Variants in ME3 observed in about 807,000 individuals in gnomAD.
ME3 encodes malic enzyme 3.
A neutral mutation model predicts 68.9 loss-of-function variants in ME3; 48 were observed. The observed-to-expected ratio is 0.70, with a 90% CI of 0.55 to 0.89. The LOEUF is 0.89. Ranked by LOEUF, ME3 falls within the 40% of genes least tolerant of loss-of-function variation. The probability of loss-of-function intolerance (pLI) is 0.00; values close to 1 mark genes in which losing one functional copy is unlikely to be tolerated. For missense variants in ME3, 675 were observed against 797.4 expected, an observed-to-expected ratio of 0.85 and a Z score of 1.85; for synonymous variants, 320 against 318.8, an observed-to-expected ratio of 1.00 and a Z score of -0.04.
At chr11:86,507,349 C>A (rs1953160310) in intron 5 of ME3, among the ~76,000 whole-genome samples, 1 of 152,204 alleles carries the variant, frequency 6.6e-6, no homozygotes. Context: ...CATATACCTT[C>A]TCTGTATCTG....
chr11:86,574,361 T>C (rs1257157766), intron 2 of ME3, among the ~76,000 whole-genome samples: 1 of 142,458 alleles, frequency 7.0e-6, no homozygotes. Context: ...CCTTTGATCT[T>C]TGAGGCTGAT....
chr11:86,656,076 A>G (rs1443872278), intron 2 of ME3, among the ~76,000 whole-genome samples: 10 of 151,080 alleles, frequency 6.6e-5, no homozygotes, highest in African/African-American at 2.4e-4. Context: ...TTAGAATGGC[A>G]ATCATTCAAA....
chr11:86,600,641 G>C (rs1452740609), intron 2 of ME3, among the ~76,000 whole-genome samples: 2 of 151,796 alleles, frequency 1.3e-5, no homozygotes, highest in South Asian at 2.1e-4. Flanking sequence ...CAAATCAACA[G>C]AATATACATT....
At chr11:86,619,659 C>T (rs1943221467) in intron 2 of ME3, among the ~76,000 whole-genome samples, 1 of 152,238 alleles carries the variant, frequency 6.6e-6, no homozygotes, top group Admixed American at 6.5e-5. Flanking sequence ...AGACGTGCTT[C>T]TACCTTCTGC....
chr11:86,466,906 C>A (rs1394936893), intron 7 of ME3, among the ~76,000 whole-genome samples: 8 of 152,216 alleles, frequency 5.3e-5, no homozygotes, highest in African/African-American at 1.9e-4. Flanking sequence ...CATGTCACTT[C>A]ACCTCTCTAT....
rs374593643 is a variant in ME3 at position 86,465,113 on chromosome 11, G to A, written c.897C>T (p.Cys299=). The change falls in exon 8 of 15, where the codon TGC becomes TGT. Residue 299 remains cysteine (C), a synonymous_variant. Transcript: ENST00000543262. ...TACCTTGGATGTCATCATTGAACAT[G>A]CAGTACTTGTTACGGTATTTGTTGA... 4.1e-4 allele frequency: 660 copies of A among 1,613,298 alleles called. 8 individuals carry two copies. In the South Asian group the frequency reaches 6.1e-3, roughly 15 times the overall value.
chr11:86,454,932 T>C (rs1949831643), intron 8 of ME3, among the ~76,000 whole-genome samples: 1 of 152,260 alleles, frequency 6.6e-6, no homozygotes, highest in Non-Finnish European at 1.5e-5. Flanking sequence ...TATACTTGGC[T>C]CAGTGGCTGA....
intron 2 of ME3, among the ~76,000 whole-genome samples, chr11:86,666,424 T>TAAG (rs1196210106): frequency 6.6e-6 from 1 of 152,196 alleles, no homozygotes; most frequent in Non-Finnish European, 1.5e-5. Context: ...AACAGAGAAA[T>TAAG]ATACTTCTAT....
chr11:86,444,646 C>T (rs1832745490), intron 13 of ME3, among the ~76,000 whole-genome samples: 1 of 152,124 alleles, frequency 6.6e-6, no homozygotes, highest in Non-Finnish European at 1.5e-5. Context: ...CTGGAGCCAT[C>T]CTGGGCTCAC....
intron 7 of ME3, among the ~76,000 whole-genome samples, chr11:86,478,630 C>G (rs1224162224): frequency 6.6e-6 from 1 of 152,162 alleles, no homozygotes; most frequent in Non-Finnish European, 1.5e-5. Context: ...CATCAAGTCT[C>G]AAATAAGGTA....
intron 2 of ME3, among the ~76,000 whole-genome samples, chr11:86,597,738 C>A (rs1334405225): frequency 6.6e-6 from 1 of 152,114 alleles, no homozygotes; most frequent in Admixed American, 6.5e-5. Flanking sequence ...CGGCCCGTGA[C>A]AGGGCCCTCA....
downstream of ME3, chr11:86,441,013 C>T (rs992769338): frequency 7.1e-6 from 2 of 279,728 alleles, no homozygotes; most frequent in Non-Finnish European, 1.3e-5. Context: ...TTCTGCATTT[C>T]CCACAAGGCC....
intron 4 of ME3, among the ~76,000 whole-genome samples, chr11:86,540,688 C>T (rs141567142): frequency 4.6e-5 from 7 of 152,310 alleles, no homozygotes; most frequent in African/African-American, 1.4e-4. Flanking sequence ...AATGGATTAA[C>T]ACAAGGACAT....
chr11:86,537,959 A>T (rs2139323786), intron 4 of ME3, among the ~76,000 whole-genome samples: 1 of 152,348 alleles, frequency 6.6e-6, no homozygotes, highest in South Asian at 2.1e-4. Flanking sequence ...GAACCTGCCC[A>T]AGGTGCAAGC....
chr11:86,500,380 G>GC (rs891169485), intron 5 of ME3, among the ~76,000 whole-genome samples: 3 of 152,228 alleles, frequency 2.0e-5, no homozygotes, highest in Non-Finnish European at 4.4e-5. Flanking sequence ...TCTACTGCAT[G>GC]CCCAGCTCCT....
At chr11:86,588,098 C>T (rs1425120441) in intron 2 of ME3, among the ~76,000 whole-genome samples, 1 of 152,144 alleles carries the variant, frequency 6.6e-6, no homozygotes, top group African/African-American at 2.4e-5. Flanking sequence ...TTACTATGTG[C>T]CAGGCATTGT....
At chr11:86,455,593 A>G (rs1426165695) in intron 8 of ME3, among the ~76,000 whole-genome samples, 5 of 151,802 alleles carry the variant, frequency 3.3e-5, no homozygotes, top group Non-Finnish European at 7.4e-5. Flanking sequence ...AGCTTTATTC[A>G]TTGTTCCCTA....
At chr11:86,555,547 G>A (rs1313851357) in intron 4 of ME3, among the ~76,000 whole-genome samples, 3 of 152,150 alleles carry the variant, frequency 2.0e-5, no homozygotes, top group Admixed American at 2.0e-4. Flanking sequence ...TGTGTCTGCT[G>A]CAACAGCCAG....
intron 2 of ME3, among the ~76,000 whole-genome samples, chr11:86,643,320 A>C (rs201289192): frequency 7.1e-6 from 1 of 140,754 alleles, no homozygotes; most frequent in Non-Finnish European, 1.6e-5. Context: ...CCCCCTACCC[A>C]TGACTTTCCC....
Sources: allele counts gnomAD v4.1 joint callset (sites outside exome capture counted in the v4.1 genomes callset), GRCh38; gene constraint gnomAD v4.1.1; transcripts MANE v1.5; gene names NCBI Gene and HGNC (gene_info 2026-07-23, HGNC 2026-07-21).